Variants in ERMP1 observed in about 807,000 individuals in gnomAD.
The protein encoded by ERMP1 is endoplasmic reticulum metallopeptidase 1, also known as Felix-ina.
A neutral mutation model predicts 92.0 loss-of-function variants in ERMP1; 86 were observed. The observed-to-expected ratio is 0.93, with a 90% CI of 0.79 to 1.12. The LOEUF (loss-of-function observed/expected upper bound fraction) is 1.12, where lower values mean the gene tolerates loss of function less well. Ranked by LOEUF, ERMP1 falls within the 50% of genes most tolerant of loss-of-function variation. ERMP1 has a pLI of 0.00. For synonymous variants in ERMP1, 530 were observed against 412.8 expected (o/e 1.28, Z -3.44); for missense variants, 1,342 against 1,116.3 (o/e 1.20, Z -2.88).
upstream of ERMP1, among the ~76,000 whole-genome samples, chr9:5,833,385 C>G (rs1830034613): frequency 1.3e-5 from 2 of 152,142 alleles, no homozygotes; most frequent in Admixed American, 1.3e-4. Context: ...GTGCATCAGG[C>G]AGATGAAAAA....
intron 4 of ERMP1, among the ~76,000 whole-genome samples, chr9:5,820,828 C>A (rs575938072): frequency 6.6e-6 from 1 of 152,332 alleles, no homozygotes; most frequent in South Asian, 2.1e-4. Flanking sequence ...TTTAGTCAAA[C>A]ATGAAAATAA....
At chr9:5,813,074 G>A (rs750451067) in intron 4 of ERMP1, 39 bp from the exon 5 acceptor site, 1 of 1,586,898 alleles carries the variant, frequency 6.3e-7, no homozygotes, top group Non-Finnish European at 8.6e-7. Context: ...AGGTATTCCG[G>A]CAATTTTTTT....
intron 6 of ERMP1, among the ~76,000 whole-genome samples, chr9:5,854,978 A>G (rs1365249611): frequency 1.3e-5 from 2 of 152,236 alleles, no homozygotes; most frequent in Non-Finnish European, 2.9e-5. Flanking sequence ...AAGGGGAAAC[A>G]TCAATCCATG....
chr9:5,866,658 A>G (rs889256928), intron 5 of ERMP1, among the ~76,000 whole-genome samples: 9 of 152,244 alleles, frequency 5.9e-5, no homozygotes, highest in African/African-American at 1.9e-4. Flanking sequence ...AAATTTGAAC[A>G]GAAGGTCTTC....
At chr9:5,855,129 T>G (rs1830357081) in intron 6 of ERMP1, among the ~76,000 whole-genome samples, 1 of 152,216 alleles carries the variant, frequency 6.6e-6, no homozygotes, top group South Asian at 2.1e-4. Context: ...ATCTGTATTA[T>G]TTAATAACTT....
At chr9:5,790,801 T>C (rs959249990) in intron 13 of ERMP1, among the ~76,000 whole-genome samples, 3 of 152,138 alleles carry the variant, frequency 2.0e-5, no homozygotes, top group Non-Finnish European at 2.9e-5. Context: ...GATATATACA[T>C]ATAAACACAC....
chr9:5,824,187 C>T (rs892106753), intron 3 of ERMP1, among the ~76,000 whole-genome samples, 186 bp from the exon 4 acceptor site: 4 of 152,230 alleles, frequency 2.6e-5, no homozygotes, highest in African/African-American at 9.6e-5. Context: ...CCATGCACAT[C>T]AGGTTCGGAA....
chr9:5,816,410 T>G (rs1829306974), intron 4 of ERMP1, among the ~76,000 whole-genome samples: 1 of 152,242 alleles, frequency 6.6e-6, no homozygotes, highest in African/African-American at 2.4e-5. Context: ...TCTGATAATG[T>G]AGTGAATTAC....
At chr9:5,856,062 G>A (rs1830369569) in intron 6 of ERMP1, 1 of 385,808 alleles carries the variant, frequency 2.6e-6, no homozygotes, top group South Asian at 2.4e-5. Context: ...CAAGGAGGGT[G>A]AATCCAACGT....
At chr9:5,820,213 C>T (rs1436555801) in intron 4 of ERMP1, among the ~76,000 whole-genome samples, 1 of 152,134 alleles carries the variant, frequency 6.6e-6, no homozygotes, top group Non-Finnish European at 1.5e-5. Context: ...GCAAGAGAAT[C>T]GCTTGAACCC....
intron 8 of ERMP1, among the ~76,000 whole-genome samples, chr9:5,806,472 G>C (rs1828875314): frequency 6.7e-6 from 1 of 149,752 alleles, no homozygotes; most frequent in Non-Finnish European, 1.5e-5. Context: ...CTGTCGCCTA[G>C]GCCGGAGTCC....
intron 13 of ERMP1, chr9:5,791,392 T>C (rs1828191658): frequency 2.2e-6 from 1 of 446,520 alleles, no homozygotes; most frequent in Admixed American, 2.4e-5. Flanking sequence ...ACTGACGGGA[T>C]GAGGCTCACT....
intron 2 of ERMP1, among the ~76,000 whole-genome samples, chr9:5,829,937 G>C (rs1586824300): frequency 6.6e-6 from 1 of 152,160 alleles, no homozygotes; most frequent in South Asian, 2.1e-4. Flanking sequence ...TCAATTTAGG[G>C]GATTCCCATT....
In ERMP1 at chr9:5,785,839, C is replaced by G. The variant is rs1391556826; in HGVS notation, c.*1305G>C. 6.6e-6 allele frequency: 1 copy of G among 152,110 alleles called. No individual in the cohort carries two copies. Among genetic ancestry groups the G allele is most frequent in the East Asian group, 1.9e-4 (1 of 5,202 alleles). The allele number at this position is 152,110 out of a possible 1,614,324, so 9.4% of individuals were successfully genotyped here. On this transcript the variant is annotated 3_prime_UTR_variant, in exon 15 of 15. Transcript: ENST00000339450. ...TCCTTGTTAAAACTCAAAATTTGTCCAACGTTTCACATTTCCTAATGATAA... is the reference window on the plus strand; with the variant it reads ...TCCTTGTTAAAACTCAAAATTTGTCGAACGTTTCACATTTCCTAATGATAA...
chr9:5,848,298 A>G (rs981591197), intron 6 of ERMP1, among the ~76,000 whole-genome samples: 3 of 152,184 alleles, frequency 2.0e-5, no homozygotes, highest in African/African-American at 7.2e-5. Flanking sequence ...AGAAGGAGAC[A>G]AGATAATGGA....
chr9:5,825,276 C>A, intron 2 of ERMP1, 57 bp from the exon 3 acceptor site: 1 of 1,536,306 alleles, frequency 6.5e-7, no homozygotes, highest in Non-Finnish European at 8.8e-7. Flanking sequence ...ACAATATGAC[C>A]CATTAGGACT....
upstream of ERMP1, among the ~76,000 whole-genome samples, chr9:5,834,977 A>G (rs867239192): frequency 7.2e-5 from 9 of 125,086 alleles, no homozygotes; most frequent in South Asian, 5.9e-4. Flanking sequence ...GGATAGATAG[A>G]TGTGTGTGTG....
intron 4 of ERMP1, 46 bp downstream of exon 4, chr9:5,823,849 CA>C (rs1829634276): frequency 7.6e-7 from 1 of 1,323,448 alleles, no homozygotes. Flanking sequence ...TCTACTTTTA[CA>C]AAAACTAGAA....
At chr9:5,814,284 G>C (rs1410689866) in intron 4 of ERMP1, among the ~76,000 whole-genome samples, 1 of 152,144 alleles carries the variant, frequency 6.6e-6, no homozygotes, top group Non-Finnish European at 1.5e-5. Flanking sequence ...ACACGAGCAA[G>C]AAATAAGCCT....
Sources: gnomAD v4.1 joint callset for allele counts (sites outside exome capture counted in the v4.1 genomes callset) on GRCh38, gnomAD v4.1.1 for gene constraint, MANE v1.5 for transcripts, NCBI Gene and HGNC (gene_info 2026-07-23, HGNC 2026-07-21) for gene names.